The following GRIK1 variants were observed in gnomAD, a reference collection of about 807,000 sequenced individuals.
GRIK1 encodes glutamate receptor ionotropic, kainate 1.
A neutral mutation model predicts 105.7 loss-of-function variants in GRIK1; 69 were observed. The observed-to-expected ratio is 0.65, with a 90% confidence interval of 0.54 to 0.80. GRIK1 has a LOEUF of 0.80. Ranked by LOEUF, GRIK1 falls within the 30% of genes least tolerant of loss-of-function variation. GRIK1 has a pLI of 0.00. For synonymous variants in GRIK1, 438 were observed against 431.3 expected (o/e 1.02, Z -0.19); for missense variants, 1,109 against 1,167.3 (o/e 0.95, Z 0.73).
At chr21:29,557,121 CA>C (rs2090277534) in intron 15 of GRIK1, among the ~76,000 whole-genome samples, 1 of 152,140 alleles carries the variant, frequency 6.6e-6, no homozygotes, top group African/African-American at 2.4e-5. Context: ...TTTGGTTAAT[CA>C]ATGCAAAGGA....
chr21:29,539,781 A>G (rs935816267), intron 16 of GRIK1, among the ~76,000 whole-genome samples: 2 of 152,198 alleles, frequency 1.3e-5, no homozygotes, highest in Admixed American at 1.3e-4. Context: ...AAACTTTATT[A>G]CATATTATAC....
chr21:29,594,786 G>C (rs1257785959), intron 9 of GRIK1, among the ~76,000 whole-genome samples: 2 of 152,012 alleles, frequency 1.3e-5, no homozygotes, highest in Non-Finnish European at 2.9e-5. Flanking sequence ...AGGTATCTAG[G>C]GCAAAGATAA....
chr21:29,733,539 T>C (rs1204671031), intron 1 of GRIK1, among the ~76,000 whole-genome samples: 4 of 152,098 alleles, frequency 2.6e-5, no homozygotes, highest in Non-Finnish European at 5.9e-5. Flanking sequence ...ATTAAATTTG[T>C]GGGCTACTTT....
chr21:29,833,101 T>C, intron 1 of GRIK1, among the ~76,000 whole-genome samples: 1 of 152,216 alleles, frequency 6.6e-6, no homozygotes, highest in East Asian at 1.9e-4. Context: ...GCCTCCAACT[T>C]CTTTGCTAAT....
intron 1 of GRIK1, among the ~76,000 whole-genome samples, chr21:29,893,223 G>T (rs796754318): frequency 2.0e-4 from 31 of 152,302 alleles, no homozygotes; most frequent in African/African-American, 7.0e-4. Flanking sequence ...TCTGGAGTCA[G>T]ATTCATCTTA....
At chr21:29,685,758 T>G (rs994168205) in intron 3 of GRIK1, among the ~76,000 whole-genome samples, 1 of 152,202 alleles carries the variant, frequency 6.6e-6, no homozygotes, top group African/African-American at 2.4e-5. Context: ...TGAAAAAGAC[T>G]GGAAAGTTCT....
intron 1 of GRIK1, among the ~76,000 whole-genome samples, chr21:29,793,357 C>T (rs2066476402): frequency 1.3e-5 from 2 of 152,134 alleles, no homozygotes; most frequent in Non-Finnish European, 2.9e-5. Context: ...GAATGTTGCT[C>T]CCCCAAGTCC....
intron 3 of GRIK1, among the ~76,000 whole-genome samples, chr21:29,682,220 A>C (rs1018989621): frequency 5.9e-5 from 9 of 152,222 alleles, no homozygotes; most frequent in Non-Finnish European, 8.8e-5. Flanking sequence ...AGCTTCTTCT[A>C]TTCCATCACC....
At chr21:29,925,008 T>A (rs2071312562) in intron 1 of GRIK1, among the ~76,000 whole-genome samples, 2 of 152,202 alleles carry the variant, frequency 1.3e-5, no homozygotes, top group Non-Finnish European at 2.9e-5. Flanking sequence ...CTAGATACTA[T>A]AAATTGAAGT....
At chr21:29,732,585 A>G (rs767805895) in intron 1 of GRIK1, among the ~76,000 whole-genome samples, 1 of 152,192 alleles carries the variant, frequency 6.6e-6, no homozygotes, top group Non-Finnish European at 1.5e-5. Context: ...TTAAATGTTA[A>G]ATATCATAAA....
At chr21:29,690,026 G>A in intron 2 of GRIK1, 41 bp from the exon 3 acceptor site, 2 of 1,463,670 alleles carry the variant, frequency 1.4e-6, no homozygotes, top group Admixed American at 1.7e-5. Flanking sequence ...AGGGAGGGCA[G>A]GGAAAGGGGG....
chr21:29,653,191 G>C (rs1052766604), intron 5 of GRIK1, among the ~76,000 whole-genome samples: 1 of 152,176 alleles, frequency 6.6e-6, no homozygotes, highest in African/African-American at 2.4e-5. Flanking sequence ...GAGTCCGGTA[G>C]CACACTCAGT....
intron 1 of GRIK1, among the ~76,000 whole-genome samples, chr21:29,848,779 A>ATATATATATATATATATTTTTTTTTTT: frequency 5.1e-5 from 4 of 77,862 alleles, no homozygotes; most frequent in African/African-American, 2.3e-4. Context: ...ATATATATAT[A>ATATATATATATATATATTTTTTTTTTT]TTTTTTTTTT....
intron 1 of GRIK1, among the ~76,000 whole-genome samples, chr21:29,740,319 G>C (rs1427341317): frequency 6.6e-6 from 1 of 151,824 alleles, no homozygotes; most frequent in African/African-American, 2.4e-5. Flanking sequence ...CAGGGTTCAA[G>C]CGATTCTTCT....
chr21:29,553,500 C>T, intron 16 of GRIK1: 1 of 1,481,858 alleles, frequency 6.7e-7, no homozygotes, highest in Non-Finnish European at 8.9e-7. Context: ...TCAACAACAC[C>T]AATTAGCAAA....
At chr21:29,546,375 CAA>C (rs1214622200) in intron 16 of GRIK1, among the ~76,000 whole-genome samples, 2 of 152,226 alleles carry the variant, frequency 1.3e-5, no homozygotes, top group Non-Finnish European at 2.9e-5. Flanking sequence ...CAGTGGCATA[CAA>C]AATGTCTCTA....
chr21:29,821,698 T>G (rs912729330), intron 1 of GRIK1, among the ~76,000 whole-genome samples: 1 of 152,088 alleles, frequency 6.6e-6, no homozygotes, highest in Non-Finnish European at 1.5e-5. Flanking sequence ...CATCTTTATA[T>G]TTGTTTACAT....
intron 7 of GRIK1, among the ~76,000 whole-genome samples, chr21:29,617,955 C>T (rs2146407187): frequency 6.6e-6 from 1 of 152,306 alleles, no homozygotes; most frequent in South Asian, 2.1e-4. Flanking sequence ...TGTTCTGTGG[C>T]ATTTGACATG....
rs2091150918 is a variant in GRIK1 at position 29,587,381 on chromosome 21, A to C, written c.1778T>G (p.Leu593Arg). The change falls in exon 12 of 18, where the codon CTC (leucine) becomes CGC (arginine). Residue 593 changes from leucine to arginine, a missense_variant. Physicochemically the swap from Leu to Arg is moderately radical, Grantham distance 102. This residue lies in a region of GRIK1 where 264 missense variants were observed against 306.9 expected (regional missense o/e 0.86). Transcript: ENST00000327783. The stretch of plus-strand genomic sequence containing the variant: ...TCAAACTTACCTTGCAATCACAAAG[A>C]GTACACAGCTGACTCCCAAGCAGGC... ...LLACLGVSCV[L>R]FVIARFTPYE... The C allele has an allele frequency of 6.2e-7, 1 of 1,606,652 alleles. No individual in the cohort carries two copies. Among genetic ancestry groups the C allele is most frequent in the Non-Finnish European group, 8.5e-7 (1 of 1,173,200 alleles).
Sources: allele counts gnomAD v4.1 joint callset (sites outside exome capture counted in the v4.1 genomes callset), GRCh38; gene constraint gnomAD v4.1.1; regional missense constraint gnomAD v4.1.1; transcripts MANE v1.5; gene names NCBI Gene and HGNC (gene_info 2026-07-23, HGNC 2026-07-21).